Variants in HERC2 observed in about 807,000 individuals in gnomAD.
HERC2 encodes the protein E3 ubiquitin-protein ligase HERC2.
HERC2 carries 102 observed loss-of-function variants against 537.7 expected under a neutral mutation model. That is an observed-to-expected ratio of 0.19 (90% CI 0.16 to 0.22). The LOEUF (loss-of-function observed/expected upper bound fraction) is 0.22. Among genes scored for constraint, HERC2 ranks in the 10% least tolerant of loss-of-function variants. The pLI is 1.00. For missense variants in HERC2, 4,236 were observed against 6,198.2 expected (o/e 0.68, Z 10.63); for synonymous variants, 2,224 against 2,466.2 (o/e 0.90, Z 2.91).
At chr15:28,186,923 T>G (rs560183992) in intron 55 of HERC2, among the ~76,000 whole-genome samples, 171 bp from the exon 56 acceptor site, 1 of 152,272 alleles carries the variant, frequency 6.6e-6, no homozygotes, top group South Asian at 2.1e-4. Context: ...CACATCTGAG[T>G]AATGTTTACT....
intron 68 of HERC2, among the ~76,000 whole-genome samples, chr15:28,164,537 ATTTT>A (rs931692027): frequency 1.5e-5 from 2 of 132,144 alleles, no homozygotes; most frequent in African/African-American, 5.1e-5. Context: ...TGTACCTACC[ATTTT>A]TTTTTATGAG....
In HERC2 at chr15:28,274,892, C is replaced by G. The variant is rs775411926; in HGVS notation, c.643+13G>C. 2.5e-6 allele frequency: 4 copies of G among 1,602,420 alleles called. No homozygotes were observed. The highest frequency in any genetic ancestry group is 3.4e-6 in the Non-Finnish European group (4 of 1,171,682). ...TAGGGAAGCAGAACAACGCGCCACA[C>G]CAGGGACCGTACCTGATCGCCAGGC... On this transcript the variant is annotated intron_variant, in intron 6 of 92. Coordinates refer to ENST00000261609, the MANE Select transcript of HERC2 (RefSeq NM_004667.6).
At chr15:28,243,004 G>C (rs973268695) in intron 23 of HERC2, among the ~76,000 whole-genome samples, 3 of 152,118 alleles carry the variant, frequency 2.0e-5, no homozygotes, top group African/African-American at 7.2e-5. Context: ...AAGGCAAGGA[G>C]GTACACTGTC....
Position 28,142,246 on chromosome 15 carries a change from G to C in HERC2, c.11692C>G (p.Leu3898Val). ...AAAATATCATGCAATACCTCATCAA[G>C]AAACAGACGGGGCAACGGTGTTCTT... ...DKRTPLPRLFLDEVAKKIREL... is the reference protein window; with the variant it reads ...DKRTPLPRLFVDEVAKKIREL... The change falls in exon 76 of 93, where the codon CTT (leucine) becomes GTT (valine). Residue 3898 changes from leucine (L) to valine (V), a missense_variant. Around this residue, in one of 27 missense-constraint regions of HERC2, gnomAD observed 156 missense variants for 172.3 expected, o/e 0.91. Transcript: ENST00000261609. 1 of 1,614,030 alleles carries C rather than the reference G, an allele frequency of 6.2e-7. No homozygotes were observed. Among genetic ancestry groups the C allele is most frequent in the Non-Finnish European group, 8.5e-7 (1 of 1,179,984 alleles).
intron 5 of HERC2, among the ~76,000 whole-genome samples, chr15:28,277,945 A>T (rs779154589): frequency 6.6e-6 from 1 of 152,072 alleles, no homozygotes; most frequent in Non-Finnish European, 1.5e-5. Context: ...TAACCTGTGC[A>T]CATCCTCCAG....
chr15:28,237,994 A>C, intron 25 of HERC2, 120 bp downstream of exon 25: 1 of 795,762 alleles, frequency 1.3e-6, no homozygotes, highest in Non-Finnish European at 2.3e-6. Context: ...CTTTATATTT[A>C]TCCCTAATGC....
chr15:28,169,640 G>C lies in HERC2; in HGVS notation c.10073C>G (p.Ala3358Gly). The C allele has an allele frequency of 6.2e-7, 1 of 1,611,466 alleles. No individual in the cohort carries two copies. Among genetic ancestry groups the C allele is most frequent in the Non-Finnish European group, 8.5e-7 (1 of 1,179,214 alleles). The change falls in exon 66 of 93, where the codon GCT (alanine) becomes GGT (glycine). Residue 3358 changes from alanine to glycine, a missense_variant. Physicochemically the swap from Ala to Gly is moderately conservative, Grantham distance 60 (BLOSUM62 0). Coordinates refer to ENST00000261609, the MANE Select transcript of HERC2 (RefSeq NM_004667.6). ...TTTATTACTGGCAGCAGAAGAATCA[G>C]CATCTGAAGGCACGCCTATAAGAGG... is the stretch of plus-strand genomic sequence containing the variant. ...GASYLGVPSDADSSAASNKIS... is the reference protein window; with the variant it reads ...GASYLGVPSDGDSSAASNKIS...
intron 16 of HERC2, among the ~76,000 whole-genome samples, chr15:28,258,035 C>A (rs2075314116): frequency 6.6e-6 from 1 of 151,978 alleles, no homozygotes; most frequent in Non-Finnish European, 1.5e-5. Context: ...GAGAACATAT[C>A]CTGAGACATA....
intron 36 of HERC2, among the ~76,000 whole-genome samples, chr15:28,220,871 C>T (rs1286720562): frequency 2.0e-5 from 3 of 150,148 alleles, no homozygotes; most frequent in Admixed American, 6.6e-5. Context: ...TTCCATGGCT[C>T]CCACCAGACC....
At chr15:28,254,005 C>T (rs1215483705) in intron 20 of HERC2, among the ~76,000 whole-genome samples, 2 of 151,352 alleles carry the variant, frequency 1.3e-5, no homozygotes, top group Admixed American at 1.3e-4. Flanking sequence ...ATAAATAGAC[C>T]GGGAGTGGTG....
chr15:28,148,392 A>G (rs1367630469), intron 70 of HERC2, among the ~76,000 whole-genome samples: 1 of 152,226 alleles, frequency 6.6e-6, no homozygotes, highest in African/African-American at 2.4e-5. Context: ...AAGAGAAAGT[A>G]ACCAACATTA....
At chr15:28,147,796 G>A (rs1400834502) in intron 70 of HERC2, among the ~76,000 whole-genome samples, 4 of 152,106 alleles carry the variant, frequency 2.6e-5, no homozygotes, top group African/African-American at 7.2e-5. Flanking sequence ...AACACTTTGG[G>A]AGGCCCAGCT....
chr15:28,197,990 T>A (rs1057249490), intron 50 of HERC2, among the ~76,000 whole-genome samples: 1 of 152,172 alleles, frequency 6.6e-6, no homozygotes, highest in Non-Finnish European at 1.5e-5. Flanking sequence ...TTACCAATCA[T>A]GACGTTAGCA....
intron 79 of HERC2, among the ~76,000 whole-genome samples, chr15:28,134,939 C>T (rs770823473): frequency 6.6e-6 from 1 of 152,068 alleles, no homozygotes; most frequent in South Asian, 2.1e-4. Flanking sequence ...TCCCAAAGTG[C>T]TGGGATTACA....
intron 4 of HERC2, among the ~76,000 whole-genome samples, chr15:28,292,020 G>A (rs548790411): frequency 6.6e-6 from 1 of 151,254 alleles, no homozygotes; most frequent in Non-Finnish European, 1.5e-5. Context: ...CTGAGGTCAG[G>A]AGTTCAAGAC....
In HERC2 at chr15:28,141,506, C is replaced by T. The variant is rs1256772503; in HGVS notation, c.11941G>A (p.Ala3981Thr). 6 of 1,614,052 alleles carry T rather than the reference C, an allele frequency of 3.7e-6. No individual in the cohort carries two copies. Among genetic ancestry groups the T allele is most frequent in the Non-Finnish European group, 5.1e-6 (6 of 1,180,020 alleles). ...AKVKVPTPCEALATLRPVQLI... is the reference protein window; with the variant it reads ...AKVKVPTPCETLATLRPVQLI... Reference sequence around the variant, plus strand: ...TGCACGGGTCTGAGAGTTGCAAGGGCTTCACAGGGAGTGGGAACTTTGACT... The same window carrying T: ...TGCACGGGTCTGAGAGTTGCAAGGGTTTCACAGGGAGTGGGAACTTTGACT... Residue 3981 changes from alanine to threonine, a missense_variant, in exon 78 of 93, where the codon GCC becomes ACC. Ala to Thr is a moderately conservative substitution (Grantham distance 58). This residue lies in a region of HERC2 where 156 missense variants were observed against 172.3 expected (regional missense o/e 0.91). Transcript: ENST00000261609.
At position 28,131,053 on chromosome 15, in the gene HERC2, C is replaced by A. The variant is rs1053866918; in HGVS notation, c.12571-459G>T. ...CCCCACCCACCCTCCACACTGCACACCTGCCAGCCAACTTTCCCTATCCCA... is the reference window on the plus strand; with the variant it reads ...CCCCACCCACCCTCCACACTGCACAACTGCCAGCCAACTTTCCCTATCCCA... On this transcript the variant is annotated intron_variant, in intron 81 of 92. Transcript: ENST00000261609. Among the ~76,000 whole-genome samples, 12 of 152,258 alleles carry A rather than the reference C, an allele frequency of 7.9e-5. No individual in the cohort carries two copies. In the East Asian group the frequency reaches 1.9e-3, roughly 25 times the overall value.
At chr15:28,254,642 T>C in intron 19 of HERC2, 124 bp from the exon 20 acceptor site, 1 of 589,972 alleles carries the variant, frequency 1.7e-6, no homozygotes, top group Non-Finnish European at 2.9e-6. Context: ...TGCACACACC[T>C]ACCCACAGGC....
intron 20 of HERC2, among the ~76,000 whole-genome samples, chr15:28,249,895 T>G (rs2140841789): frequency 6.6e-6 from 1 of 151,826 alleles, no homozygotes; most frequent in East Asian, 1.9e-4. Context: ...GACCTCGTGA[T>G]TCACCCGCCT....
Sources: allele counts gnomAD v4.1 joint callset (sites outside exome capture counted in the v4.1 genomes callset), GRCh38; gene constraint gnomAD v4.1.1; regional missense constraint gnomAD v4.1.1; transcripts MANE v1.5; gene names NCBI Gene and HGNC (gene_info 2026-07-23, HGNC 2026-07-21).